CAAP1: variants seen among roughly 807,000 people sequenced by gnomAD.
The protein encoded by CAAP1 is caspase activity and apoptosis inhibitor 1.
CAAP1 carries 20 observed loss-of-function variants against 34.0 expected under a neutral mutation model. That is an observed-to-expected ratio of 0.59 (90% CI 0.41 to 0.86). The LOEUF is 0.86. Ranked by LOEUF, CAAP1 falls within the 40% of genes least tolerant of loss-of-function variation. The probability of loss-of-function intolerance (pLI) is 0.00; values close to 1 mark genes in which losing one functional copy is unlikely to be tolerated. For synonymous variants in CAAP1, 213 were observed against 166.7 expected (o/e 1.28, Z -2.14); for missense variants, 538 against 450.5 (o/e 1.19, Z -1.76).
chr9:26,886,562 T>C (rs555322908), intron 2 of CAAP1, among the ~76,000 whole-genome samples: 134 of 152,334 alleles, frequency 8.8e-4, no homozygotes, highest in African/African-American at 2.9e-3. Context: ...CCAAGGCCAA[T>C]TTCTACAACT....
chr9:26,842,334 T>C lies in CAAP1; in HGVS notation c.1053A>G (p.Leu351=). The C allele has an allele frequency of 5.6e-6, 9 of 1,596,150 alleles. No homozygotes were observed. Among genetic ancestry groups the C allele is most frequent in the Non-Finnish European group, 7.7e-6 (9 of 1,173,270 alleles). The change falls in exon 6 of 6, where the codon CTA becomes CTG. Residue 351 remains leucine (L), a synonymous_variant. Transcript: ENST00000333916. ...GCTTTTTTATATCACCAGCTTTCAT[T>C]AGGGCTTTAATCGCTCTTGCCCTCA... ...LEMRARAIKA[L]MKAGDIKKPA
intron 5 of CAAP1, among the ~76,000 whole-genome samples, chr9:26,844,892 A>C (rs551641790): frequency 6.6e-5 from 10 of 152,224 alleles, no homozygotes; most frequent in African/African-American, 9.6e-5. Context: ...CTTAGGTTTG[A>C]TGTTCTACAC....
At chr9:26,876,101 G>C (rs1032303134) in intron 4 of CAAP1, among the ~76,000 whole-genome samples, 3 of 152,176 alleles carry the variant, frequency 2.0e-5, no homozygotes, top group Admixed American at 2.0e-4. Context: ...AGGTAATACT[G>C]CATTTCTTGC....
intron 4 of CAAP1, among the ~76,000 whole-genome samples, chr9:26,879,375 C>T (rs144485510): frequency 6.6e-6 from 1 of 152,152 alleles, no homozygotes; most frequent in African/African-American, 2.4e-5. Flanking sequence ...TGCATTAATG[C>T]TTTACGTCCC....
At chr9:26,861,019 T>C in intron 5 of CAAP1, 47 bp downstream of exon 5, 2 of 1,326,612 alleles carry the variant, frequency 1.5e-6, no homozygotes, top group Non-Finnish European at 2.2e-6. Context: ...AAAATGCTTC[T>C]ATTCTTCAGG....
intron 4 of CAAP1, among the ~76,000 whole-genome samples, chr9:26,884,574 T>C (rs1021370673): frequency 1.4e-4 from 22 of 152,306 alleles, no homozygotes; most frequent in African/African-American, 4.8e-4. Context: ...GGCACTGCTA[T>C]TGTTCTGTAT....
chr9:26,882,201 G>A (rs747203903), intron 4 of CAAP1, among the ~76,000 whole-genome samples: 1 of 152,174 alleles, frequency 6.6e-6, no homozygotes, highest in Non-Finnish European at 1.5e-5. Flanking sequence ...AAATCAAGCA[G>A]GCTGCAAAAA....
At chr9:26,886,549 T>G (rs1335538311) in intron 2 of CAAP1, among the ~76,000 whole-genome samples, 1 of 152,326 alleles carries the variant, frequency 6.6e-6, no homozygotes, top group Non-Finnish European at 1.5e-5. Context: ...TTAACTTTAG[T>G]GACCAAGGCC....
At chr9:26,892,354 C>A (rs769802669) in intron 1 of CAAP1, 59 bp downstream of exon 1, 169 of 1,585,684 alleles carry the variant, frequency 1.1e-4, no homozygotes, top group Middle Eastern at 6.6e-4. Flanking sequence ...CCTCTGGAAG[C>A]CCGACTTCTT....
intron 5 of CAAP1, among the ~76,000 whole-genome samples, chr9:26,857,684 T>C (rs1822905959): frequency 6.6e-6 from 1 of 152,222 alleles, no homozygotes; most frequent in South Asian, 2.1e-4. Context: ...GTTTCTGTTT[T>C]ACTACAGTAC....
chr9:26,873,628 T>A (rs1205301538), intron 4 of CAAP1, among the ~76,000 whole-genome samples: 1 of 152,172 alleles, frequency 6.6e-6, no homozygotes, highest in Non-Finnish European at 1.5e-5. Context: ...AGTGCTATTT[T>A]AACTGGAATA....
At chr9:26,891,610 A>T (rs543346267) in intron 1 of CAAP1, among the ~76,000 whole-genome samples, 1 of 152,346 alleles carries the variant, frequency 6.6e-6, no homozygotes, top group South Asian at 2.1e-4. Context: ...TCAGAAAAAT[A>T]TAATACAATA....
Position 26,887,269 on chromosome 9 carries a change from C to T in CAAP1, c.504+44G>A, listed in dbSNP as rs929587919. ...AAACAAAAAATTGCTACAAAGAAGG[C>T]TGTATTTCTACATATGTATCTAGTC... On this transcript the variant is annotated intron_variant, in intron 2 of 5. Coordinates refer to ENST00000333916, the MANE Select transcript of CAAP1 (RefSeq NM_024828.4). 3 of 1,240,488 alleles carry T rather than the reference C, an allele frequency of 2.4e-6. No individual in the cohort carries two copies. In the African/African-American group the frequency reaches 4.6e-5, roughly 19 times the overall value. The allele number at this position is 1,240,488 out of a possible 1,614,324, so 76.8% of individuals were successfully genotyped here. A position where few individuals can be genotyped will look rare whatever the true frequency, so the allele number is the denominator to read the frequency against.
chr9:26,886,155 G>A lies in CAAP1; in HGVS notation c.538C>T (p.Gln180Ter). Reference protein sequence around the residue: ...CSIEEIKKLCQEQLELLSEKK... With the variant: ...CSIEEIKKLC ...TCAGACAGGAGCTCTAACTGTTCCT[G>A]GCATAGTTTTTTAATTTCTTCTATT... is the stretch of plus-strand genomic sequence containing the variant. The change falls in exon 3 of 6, where the codon CAG becomes TAG. Residue 180 changes from glutamine (Q) to a stop codon, truncating the protein, a stop_gained. Transcript: ENST00000333916. LOFTEE classifies it high-confidence loss of function. 6.4e-7 allele frequency: 1 copy of A among 1,552,616 alleles called. No individual in the cohort carries two copies. The highest frequency in any genetic ancestry group is 8.7e-7 in the Non-Finnish European group (1 of 1,154,020).
intron 5 of CAAP1, among the ~76,000 whole-genome samples, chr9:26,852,316 G>A (rs184058061): frequency 2.6e-5 from 4 of 152,166 alleles, no homozygotes; most frequent in East Asian, 1.9e-4. Context: ...TTAGCTGGGC[G>A]TGGTGGTGTG....
At chr9:26,875,646 C>A (rs1420070555) in intron 4 of CAAP1, among the ~76,000 whole-genome samples, 1 of 152,074 alleles carries the variant, frequency 6.6e-6, no homozygotes, top group Non-Finnish European at 1.5e-5. Flanking sequence ...CCCCTTCAAT[C>A]AGAGTCTCAT....
intron 5 of CAAP1, among the ~76,000 whole-genome samples, chr9:26,852,928 C>G (rs1321978324): frequency 6.6e-6 from 1 of 152,158 alleles, no homozygotes. Flanking sequence ...ACAGCAAAAG[C>G]AAAGCCTCTG....
intron 4 of CAAP1, among the ~76,000 whole-genome samples, chr9:26,870,239 T>A (rs1015390221): frequency 3.9e-5 from 6 of 152,002 alleles, no homozygotes; most frequent in South Asian, 2.1e-4. Flanking sequence ...AAGGTGCCTA[T>A]CTGCTTCCTA....
At chr9:26,862,449 T>A (rs920738668) in intron 4 of CAAP1, among the ~76,000 whole-genome samples, 5 of 151,786 alleles carry the variant, frequency 3.3e-5, no homozygotes, top group African/African-American at 1.2e-4. Context: ...TAATGTAACA[T>A]CACCAATAAG....
Sources: gnomAD v4.1 joint callset for allele counts (sites outside exome capture counted in the v4.1 genomes callset) on GRCh38, gnomAD v4.1.1 for gene constraint, MANE v1.5 for transcripts, NCBI Gene and HGNC (gene_info 2026-07-23, HGNC 2026-07-21) for gene names.